DYSF: variants seen among roughly 807,000 people sequenced by gnomAD.
DYSF encodes dysferlin.
In DYSF, 212 loss-of-function variants were observed where a neutral mutation model predicts 274.9. The ratio of observed to expected loss-of-function variants is 0.77; its 90% CI spans 0.69 to 0.86. The LOEUF is 0.86. Among genes scored for constraint, DYSF ranks in the 40% least tolerant of loss-of-function variants. DYSF has a pLI of 0.00. For missense variants in DYSF, 2,666 were observed against 2,783.2 expected (o/e 0.96, Z 0.95); for synonymous variants, 1,091 against 1,078.7 (o/e 1.01, Z -0.22).
chr2:71,583,043 C>CAA (rs143738269), intron 30 of DYSF, among the ~76,000 whole-genome samples: 1,312 of 49,918 alleles, frequency 0.026, 142 homozygotes, highest in African/African-American at 0.042. Context: ...GACTCCATCT[C>CAA]AAAAAAAAAA....
At chr2:71,665,046 T>G (rs1379028101) in intron 46 of DYSF, 116 bp from the exon 47 acceptor site, 1 of 1,546,426 alleles carries the variant, frequency 6.5e-7, no homozygotes, top group African/African-American at 1.4e-5. Context: ...GGACACCCAC[T>G]GTAAAAGCAA....
intron 17 of DYSF, among the ~76,000 whole-genome samples, chr2:71,539,470 A>G (rs1480817083): frequency 6.6e-6 from 1 of 152,180 alleles, no homozygotes; most frequent in African/African-American, 2.4e-5. Flanking sequence ...CAAAGAGGAT[A>G]ATTCACTCCT....
intron 32 of DYSF, among the ~76,000 whole-genome samples, chr2:71,596,156 G>A (rs775892240): frequency 6.6e-6 from 1 of 151,926 alleles, no homozygotes. Flanking sequence ...GGTGGGGCAC[G>A]TGTGTAGGTC....
chr2:71,559,104 C>A (rs953727837), intron 22 of DYSF, among the ~76,000 whole-genome samples: 2 of 152,324 alleles, frequency 1.3e-5, no homozygotes, highest in Middle Eastern at 3.4e-3. Context: ...GGAGCCTCCC[C>A]CTTCCCCAGG....
At chr2:71,630,990 G>A (rs1246056348) in intron 41 of DYSF, among the ~76,000 whole-genome samples, 1 of 152,284 alleles carries the variant, frequency 6.6e-6, no homozygotes, top group South Asian at 2.1e-4. Context: ...TGCTCTCACC[G>A]ACTATGAAGT....
At chr2:71,640,083 C>T (rs2094464163) in intron 41 of DYSF, among the ~76,000 whole-genome samples, 3 of 152,194 alleles carry the variant, frequency 2.0e-5, no homozygotes, top group Admixed American at 6.5e-5. Context: ...CAATGTCACA[C>T]CACTGAGCGT....
intron 24 of DYSF, among the ~76,000 whole-genome samples, chr2:71,567,528 A>G (rs1164346911): frequency 1.3e-5 from 2 of 152,250 alleles, no homozygotes; most frequent in East Asian, 3.8e-4. Flanking sequence ...CGGTAGCTAC[A>G]TGGGCCTAGT....
chr2:71,475,238 T>C (rs942318048), intron 1 of DYSF, among the ~76,000 whole-genome samples: 2 of 152,122 alleles, frequency 1.3e-5, no homozygotes, highest in Admixed American at 1.3e-4. Context: ...ATGAATGAAG[T>C]CTTGGGGCGT....
chr2:71,686,305 G>C (rs966554237), intron 55 of DYSF, 149 bp from the exon 56 acceptor site: 1 of 935,512 alleles, frequency 1.1e-6, no homozygotes, highest in Admixed American at 1.7e-5. Flanking sequence ...GCGTGGGCAG[G>C]TGGTTGAAGA....
At chr2:71,570,880 T>C in intron 29 of DYSF, 139 bp downstream of exon 29, 1 of 1,267,640 alleles carries the variant, frequency 7.9e-7, no homozygotes, top group Non-Finnish European at 1.1e-6. Flanking sequence ...CTGGAGGTGC[T>C]CACAGATCAC....
intron 1 of DYSF, among the ~76,000 whole-genome samples, chr2:71,472,258 G>A (rs1321831549): frequency 6.6e-6 from 1 of 152,146 alleles, no homozygotes; most frequent in Non-Finnish European, 1.5e-5. Flanking sequence ...CTATGTCAGA[G>A]GTTATAGACA....
chr2:71,581,858 G>A (rs1043581534), intron 30 of DYSF, among the ~76,000 whole-genome samples: 1 of 152,168 alleles, frequency 6.6e-6, no homozygotes, highest in Admixed American at 6.5e-5. Context: ...TTGTAAATAA[G>A]GCTTTATTGG....
intron 24 of DYSF, among the ~76,000 whole-genome samples, chr2:71,566,995 C>T (rs562950467): frequency 2.0e-5 from 3 of 152,190 alleles, no homozygotes; most frequent in Admixed American, 6.5e-5. Context: ...TGAACCCACC[C>T]GTTTTCTCAC....
At chr2:71,572,198 T>A (rs375165421) in intron 29 of DYSF, among the ~76,000 whole-genome samples, 2 of 82,682 alleles carry the variant, frequency 2.4e-5, no homozygotes, top group African/African-American at 5.6e-5. Context: ...ACAGATTACA[T>A]CCAGCACACC....
Position 71,674,272 on chromosome 2 carries a change from A to G in DYSF, c.5860A>G (p.Lys1954Glu). The G allele has an allele frequency of 1.2e-6, 2 of 1,614,218 alleles. No individual in the cohort carries two copies. Among genetic ancestry groups the G allele is most frequent in the South Asian group, 2.2e-5 (2 of 91,086 alleles). ...RVVFQIWDND[K>E]FSFDDFLGSL... ...GGTGTTCCAGATCTGGGACAATGAC[A>G]AGTTCTCCTTTGATGATTTTCTGGG... The change falls in exon 52 of 56, where the codon AAG becomes GAG. Residue 1954 changes from lysine to glutamate, a missense_variant. Physicochemically the swap from Lys to Glu is moderately conservative, Grantham distance 56. Coordinates refer to ENST00000410020, the MANE Select transcript of DYSF (RefSeq NM_001130987.2).
chr2:71,611,845 C>G (rs1329303449), intron 38 of DYSF, among the ~76,000 whole-genome samples: 1 of 152,204 alleles, frequency 6.6e-6, no homozygotes, highest in East Asian at 1.9e-4. Flanking sequence ...CTCCTATACC[C>G]AAATCCTAGA....
At chr2:71,599,594 CCAGGGGAGCAGGAGAGTGCTGACGT>C (rs1225037889) in intron 33 of DYSF, among the ~76,000 whole-genome samples, 1 of 152,068 alleles carries the variant, frequency 6.6e-6, no homozygotes, top group Non-Finnish European at 1.5e-5. Flanking sequence ...GAGTATGAGG[CCAGGGGAGCAGGAGAGTGCTGACGT>C]CAGGGCAGCA....
intron 40 of DYSF, among the ~76,000 whole-genome samples, chr2:71,617,736 GT>G (rs2093925916): frequency 6.9e-6 from 1 of 144,666 alleles, no homozygotes; most frequent in Non-Finnish European, 1.5e-5. Context: ...GGTAGAGGTG[GT>G]GTGTGTGTAT....
chr2:71,583,258 C>T lies in DYSF; in HGVS notation c.3403-6335C>T, dbSNP rs117792708. On this transcript the variant is annotated intron_variant, in intron 30 of 55. Coordinates refer to ENST00000410020, the MANE Select transcript of DYSF (RefSeq NM_001130987.2). Reference sequence around the variant, plus strand: ...TCCAGCACCTGCTGCTCTGAGGGGCCCCCTGACCCCTTTTACATAAGAGAT... The same window carrying T: ...TCCAGCACCTGCTGCTCTGAGGGGCTCCCTGACCCCTTTTACATAAGAGAT... 6.3e-3 allele frequency among the ~76,000 whole-genome samples: 957 copies of T among 152,232 alleles called. 22 individuals carry two copies. Among genetic ancestry groups the T allele is most frequent in the Admixed American group, 0.027 (414 of 15,286 alleles).
Sources: gnomAD v4.1 joint callset for allele counts (sites outside exome capture counted in the v4.1 genomes callset) on GRCh38, gnomAD v4.1.1 for gene constraint, MANE v1.5 for transcripts, NCBI Gene and HGNC (gene_info 2026-07-23, HGNC 2026-07-21) for gene names.